Variants in PHLPP2 observed in about 807,000 individuals in gnomAD.
PHLPP2 encodes PH domain leucine-rich repeat-containing protein phosphatase 2.
In PHLPP2, 66 loss-of-function variants were observed where a neutral mutation model predicts 124.9. The ratio of observed to expected loss-of-function variants is 0.53; its 90% CI spans 0.43 to 0.65. PHLPP2 has a LOEUF of 0.65. Ranked by LOEUF, PHLPP2 falls within the 30% of genes least tolerant of loss-of-function variation. The pLI is 0.00. For synonymous variants in PHLPP2, 681 were observed against 624.7 expected (o/e 1.09, Z -1.34); for missense variants, 1,685 against 1,600.4 (o/e 1.05, Z -0.90).
intron 18 of PHLPP2, among the ~76,000 whole-genome samples, chr16:71,650,543 G>A (rs1042176739): frequency 6.6e-6 from 1 of 152,232 alleles, no homozygotes; most frequent in South Asian, 2.1e-4. Flanking sequence ...AAAAAGGGGA[G>A]TCTGAGATGT....
At position 71,714,648 on chromosome 16, in the gene PHLPP2, A is replaced by T. The variant is rs1567630662; in HGVS notation, c.148T>A (p.Ser50Thr). The change falls in exon 2 of 19, where the codon TCC becomes ACC. Residue 50 changes from serine (S) to threonine (T), a missense_variant. Coordinates refer to ENST00000568954, the MANE Select transcript of PHLPP2 (RefSeq NM_015020.3). ...TTTATTTTTT[S>T]SSSSSSSSSS... ...GAGGAGGAGGAGGAAGAGGAAGAGG[A>T]GGTGGTGGTGGTTGTAGTGGCAGTG... is the stretch of plus-strand genomic sequence containing the variant. 1 of 1,613,440 alleles carries T rather than the reference A, an allele frequency of 6.2e-7. No homozygotes were observed. The highest frequency in any genetic ancestry group is 1.7e-5 in the Admixed American group (1 of 59,994).
intron 13 of PHLPP2, among the ~76,000 whole-genome samples, chr16:71,660,434 T>A (rs1387097371): frequency 7.1e-6 from 1 of 141,658 alleles, no homozygotes; most frequent in East Asian, 2.0e-4. Context: ...TTTTTTTTTT[T>A]TTTTTTTTTG....
rs1233235829 is a variant in PHLPP2 at position 71,724,426 on chromosome 16, C to CATGTTTTA, written c.-112_-105dup. Reference sequence around the variant, plus strand: ...ACAAAACGTCCGCTCACCTCCCAGCCATGTTTTAATTCCCTTGCCTCCTCC... The same window carrying CATGTTTTA: ...ACAAAACGTCCGCTCACCTCCCAGCCATGTTTTAATGTTTTAATTCCCTTGCCTCCTCC... On this transcript the variant is annotated 5_prime_UTR_variant, in exon 1 of 19. In the 5' UTR this introduces an upstream ATG that the reference lacks. Transcript: ENST00000568954. 9 of 152,298 alleles carry CATGTTTTA rather than the reference C, an allele frequency of 5.9e-5. No homozygotes were observed. The highest frequency in any genetic ancestry group is 1.2e-4 in the Non-Finnish European group (8 of 68,110). 9.4% of individuals were successfully genotyped at this position (152,298 alleles called of 1,614,324 possible).
At chr16:71,708,679 G>A (rs1210185714) in intron 2 of PHLPP2, among the ~76,000 whole-genome samples, 3 of 152,076 alleles carry the variant, frequency 2.0e-5, no homozygotes, top group African/African-American at 7.2e-5. Flanking sequence ...CCAGCTACTC[G>A]GGAGGCTGAG....
At chr16:71,700,883 G>C (rs1324162621) in intron 3 of PHLPP2, among the ~76,000 whole-genome samples, 1 of 152,098 alleles carries the variant, frequency 6.6e-6, no homozygotes, top group East Asian at 1.9e-4. Context: ...TACAAAGCTT[G>C]GTTATAAAAG....
chr16:71,714,011 C>T (rs1355838405), intron 2 of PHLPP2, among the ~76,000 whole-genome samples: 1 of 149,782 alleles, frequency 6.7e-6, no homozygotes, highest in Admixed American at 6.6e-5. Flanking sequence ...ATGATCTCGG[C>T]TCACCGCAAC....
In PHLPP2 at chr16:71,663,969, C is replaced by G; in HGVS notation, c.1915G>C (p.Val639Leu). The change falls in exon 13 of 19, where the codon GTC becomes CTC. Residue 639 changes from valine (V) to leucine (L), a missense_variant. By Grantham distance (32) the Val-to-Leu change is conservative (BLOSUM62 1). Coordinates refer to ENST00000568954, the MANE Select transcript of PHLPP2 (RefSeq NM_015020.3). ...CGCAGGTGCAGGTGCCCTACCAGGA[C>G]AGGTATGCACTGATCCGTCAGGAGA... ...NNLLTDQCIP[V>L]LVGHLHLRIL... 6.2e-7 allele frequency: 1 copy of G among 1,614,050 alleles called. No individual in the cohort carries two copies. Among genetic ancestry groups the G allele is most frequent in the Non-Finnish European group, 8.5e-7 (1 of 1,179,888 alleles).
In PHLPP2 at chr16:71,649,300, T is replaced by C; in HGVS notation, c.3562A>G (p.Ser1188Gly). 1 of 1,613,964 alleles carries C rather than the reference T, an allele frequency of 6.2e-7. No individual in the cohort carries two copies. Among genetic ancestry groups the C allele is most frequent in the Non-Finnish European group, 8.5e-7 (1 of 1,179,974 alleles). ...DLENSPPLIE[S>G]SPTLCSEEHA... ...TCCTCAGAACACAGGGTAGGAGAAC[T>C]CTCTATGAGAGGGGGTGAGTTCTCC... is the stretch of plus-strand genomic sequence containing the variant. Residue 1188 changes from serine (S) to glycine (G), a missense_variant, in exon 19 of 19, where the codon AGT (serine) becomes GGT (glycine). By Grantham distance (56) the Ser-to-Gly change is moderately conservative (BLOSUM62 0). Transcript: ENST00000568954.
At chr16:71,671,339 T>C (rs2044891131) in intron 10 of PHLPP2, among the ~76,000 whole-genome samples, 1 of 152,074 alleles carries the variant, frequency 6.6e-6, no homozygotes. Flanking sequence ...ATCATCTCAC[T>C]CAGTCTTCAC....
chr16:71,702,690 T>A lies in PHLPP2; in HGVS notation c.326A>T (p.Asp109Val). 1 of 1,610,918 alleles carries A rather than the reference T, an allele frequency of 6.2e-7. No homozygotes were observed. Among genetic ancestry groups the A allele is most frequent in the Non-Finnish European group, 8.5e-7 (1 of 1,178,244 alleles). The stretch of plus-strand genomic sequence containing the variant: ...ATCAAATCCCAGCCTGGATAAGTAA[T>A]CATAAACGATCTGAAGAGGTCGTTC... ...PTERPLQIVY[D>V]YLSRLGFDDP... The change falls in exon 3 of 19, where the codon GAT becomes GTT. Residue 109 changes from aspartate to valine, a missense_variant. Asp to Val is a radical substitution (Grantham distance 152). Coordinates refer to ENST00000568954, the MANE Select transcript of PHLPP2 (RefSeq NM_015020.3).
intron 6 of PHLPP2, 102 bp from the exon 7 acceptor site, chr16:71,679,637 T>A: frequency 2.1e-6 from 2 of 941,618 alleles, no homozygotes; most frequent in South Asian, 1.6e-5. Context: ...TAAATGTCTA[T>A]AATAGAATTT....
At chr16:71,667,754 T>C (rs1281828777) in intron 11 of PHLPP2, among the ~76,000 whole-genome samples, 1 of 152,206 alleles carries the variant, frequency 6.6e-6, no homozygotes, top group African/African-American at 2.4e-5. Context: ...CACTTAACAA[T>C]GAAGTTAATT....
intron 3 of PHLPP2, among the ~76,000 whole-genome samples, chr16:71,696,362 C>T (rs1460325703): frequency 1.3e-5 from 2 of 152,224 alleles, no homozygotes; most frequent in Middle Eastern, 3.4e-3. Flanking sequence ...TGTGGCCGGG[C>T]GCAGTGGCTC....
chr16:71,655,638 G>A (rs2044735878), intron 16 of PHLPP2, among the ~76,000 whole-genome samples: 1 of 151,842 alleles, frequency 6.6e-6, no homozygotes, highest in Non-Finnish European at 1.5e-5. Context: ...GAGAAGCTGG[G>A]ACTACAGGTG....
rs925885891 is a variant in PHLPP2 at position 71,695,707 on chromosome 16, T to C, written c.419-4998A>G. 6.1e-5 allele frequency among the ~76,000 whole-genome samples: 8 copies of C among 131,578 alleles called. No individual in the cohort carries two copies. In the East Asian group the frequency reaches 1.7e-3, roughly 27 times the overall value. The allele number at this position is 131,578 out of a possible 152,430, so 86.3% of individuals were successfully genotyped here. A position where few individuals can be genotyped will look rare whatever the true frequency, so the allele number is the denominator to read the frequency against. On this transcript the variant is annotated intron_variant, in intron 3 of 18. Coordinates refer to ENST00000568954, the MANE Select transcript of PHLPP2 (RefSeq NM_015020.3). ...CCTGGGAAACAAGAGTGAGACTCTG[T>C]CTCAGAAAAAAAAAAAAAAAGAAAT...
At chr16:71,697,499 T>TAAA (rs2045184823) in intron 3 of PHLPP2, among the ~76,000 whole-genome samples, 1 of 152,178 alleles carries the variant, frequency 6.6e-6, no homozygotes, top group Non-Finnish European at 1.5e-5. Flanking sequence ...AGAACAGATT[T>TAAA]TGATAAACAA....
chr16:71,656,972 T>G (rs1372482732), intron 15 of PHLPP2, among the ~76,000 whole-genome samples: 1 of 151,562 alleles, frequency 6.6e-6, no homozygotes, highest in African/African-American at 2.4e-5. Flanking sequence ...TGAGACGATC[T>G]CCCTCTGTTG....
chr16:71,672,122 C>G (rs1417761456), intron 10 of PHLPP2, 140 bp downstream of exon 10: 1 of 653,878 alleles, frequency 1.5e-6, no homozygotes, highest in Admixed American at 2.6e-5. Flanking sequence ...ACTTATTCGT[C>G]CATTCATCCT....
intron 2 of PHLPP2, among the ~76,000 whole-genome samples, chr16:71,704,344 AATAACT>A (rs1228431319): frequency 6.6e-6 from 1 of 151,186 alleles, no homozygotes; most frequent in Non-Finnish European, 1.5e-5. Context: ...TTATAGTATT[AATAACT>A]ATAAGAAACA....
Sources: gnomAD v4.1 joint callset for allele counts (sites outside exome capture counted in the v4.1 genomes callset) on GRCh38, gnomAD v4.1.1 for gene constraint, MANE v1.5 for transcripts, NCBI Gene and HGNC (gene_info 2026-07-23, HGNC 2026-07-21) for gene names.